The following IPO5 variants were observed in gnomAD, a reference collection of about 807,000 sequenced individuals.
IPO5 encodes importin 5.
IPO5 carries 18 observed loss-of-function variants against 143.3 expected under a neutral mutation model. The observed-to-expected ratio is 0.13, with a 90% CI of 0.09 to 0.19. IPO5 has a LOEUF of 0.19. Among genes scored for constraint, IPO5 ranks in the 10% least tolerant of loss-of-function variants. The pLI, the probability that IPO5 is intolerant of heterozygous loss-of-function variation, is 1.00. For missense variants in IPO5, 1,013 were observed against 1,336.9 expected, an observed-to-expected ratio of 0.76 and a Z score of 3.78; for synonymous variants, 477 against 465.7, an observed-to-expected ratio of 1.02 and a Z score of -0.31.
intron 13 of IPO5, 147 bp from the exon 14 acceptor site, chr13:98,002,320 A>C (rs1057121598): frequency 1.2e-5 from 8 of 659,652 alleles, no homozygotes; most frequent in Non-Finnish European, 1.9e-5. Context: ...CGGCCTATAC[A>C]AATGTTTTTA....
At chr13:98,008,344 C>G (rs1207616271) in intron 18 of IPO5, among the ~76,000 whole-genome samples, 1 of 152,174 alleles carries the variant, frequency 6.6e-6, no homozygotes, top group African/African-American at 2.4e-5. Context: ...CTTTCTGTGA[C>G]TCTCACTCAA....
chr13:98,012,141 A>C (rs1889770455), intron 20 of IPO5, 105 bp from the exon 21 acceptor site: 1 of 703,098 alleles, frequency 1.4e-6, no homozygotes, highest in African/African-American at 1.8e-5. Context: ...ATGTAGTTCT[A>C]GTCAAAATAC....
At chr13:97,972,375 T>C (rs1885894262) in intron 3 of IPO5, among the ~76,000 whole-genome samples, 1 of 152,272 alleles carries the variant, frequency 6.6e-6, no homozygotes, top group East Asian at 1.9e-4. Context: ...CTAAGAGCAG[T>C]AGTGGGAGAG....
intron 12 of IPO5, among the ~76,000 whole-genome samples, chr13:98,000,249 C>T (rs185848159): frequency 5.9e-5 from 9 of 151,644 alleles, no homozygotes; most frequent in Admixed American, 3.3e-4. Flanking sequence ...CGTGCCACTG[C>T]GCTCCAGCCT....
intron 24 of IPO5, 141 bp from the exon 25 acceptor site, chr13:98,016,586 GTC>G: frequency 2.2e-6 from 1 of 453,132 alleles, no homozygotes; most frequent in East Asian, 3.7e-5. Flanking sequence ...GGTTACTCCG[GTC>G]TCTAGACTCT....
chr13:98,003,391 G>T (rs1888958835), intron 16 of IPO5, among the ~76,000 whole-genome samples: 1 of 152,174 alleles, frequency 6.6e-6, no homozygotes, highest in South Asian at 2.1e-4. Flanking sequence ...TAAAAAATTA[G>T]TGTGGTAGCA....
At chr13:97,970,761 A>C (rs944719069) in intron 3 of IPO5, among the ~76,000 whole-genome samples, 1 of 152,252 alleles carries the variant, frequency 6.6e-6, no homozygotes, top group African/African-American at 2.4e-5. Flanking sequence ...GCTCTGTGAT[A>C]ATCAAATCAA....
intron 2 of IPO5, chr13:97,960,280 A>C (rs947030730): frequency 6.6e-6 from 1 of 152,214 alleles, no homozygotes; most frequent in Non-Finnish European, 1.5e-5. Flanking sequence ...AAAGATGGGA[A>C]GGAAAGTCTA....
Position 98,000,579 on chromosome 13 carries a change from T to A in IPO5, c.1042T>A (p.Cys348Ser). ...CGAGAGTGCTCTAGATCGAATGGCTTGCGGACTTGGTGGAAAGCTCGTTCT... is the reference window on the plus strand; with the variant it reads ...CGAGAGTGCTCTAGATCGAATGGCTAGCGGACTTGGTGGAAAGCTCGTTCT... ...AGESALDRMA[C>S]GLGGKLVLPM... is the part of the protein sequence containing the mutation. Residue 348 changes from cysteine to serine, a missense_variant, in exon 13 of 29, where the codon TGC (cysteine) becomes AGC (serine). Transcript: ENST00000651721. 1 of 1,613,904 alleles carries A rather than the reference T, an allele frequency of 6.2e-7. No individual in the cohort carries two copies. The highest frequency in any genetic ancestry group is 1.3e-5 in the African/African-American group (1 of 75,056).
chr13:97,977,346 T>C (rs1886463359), intron 4 of IPO5, among the ~76,000 whole-genome samples: 1 of 152,208 alleles, frequency 6.6e-6, no homozygotes, highest in Non-Finnish European at 1.5e-5. Flanking sequence ...CTCATTCTAG[T>C]TCCTAACATC....
chr13:97,981,208 A>G (rs1170592263), intron 4 of IPO5: 1 of 451,942 alleles, frequency 2.2e-6, no homozygotes, highest in Non-Finnish European at 4.4e-6. Context: ...AAGATCTTGA[A>G]TTCTCCTTTC....
Position 98,016,797 on chromosome 13 carries a change from A to G in IPO5, c.2562A>G (p.Lys854=). The G allele has an allele frequency of 6.3e-7, 1 of 1,579,356 alleles. No individual in the cohort carries two copies. The highest frequency in any genetic ancestry group is 2.4e-5 in the East Asian group (1 of 42,420). Residue 854 remains lysine, a synonymous_variant, in exon 25 of 29, where the codon AAA becomes AAG. Transcript: ENST00000651721. ...TACACTCAATATTCAGTAGCTACAA[A>G]GAAAAGGTGTTACCATGGTTTGAAC... ...DILHSIFSSY[K]EKVLPWFEQL...
chr13:98,018,867 G>T lies in IPO5; in HGVS notation c.2836+163G>T, dbSNP rs556137263. ...TTAGGATTTTAGATGATAAAAAGAT[G>T]ATTTATTCTCATAGAAATAGAATCA... On this transcript the variant is annotated intron_variant, in intron 26 of 28. Transcript: ENST00000651721. Among the ~76,000 whole-genome samples the T allele has an allele frequency of 3.3e-5, 5 of 152,236 alleles. No individual in the cohort carries two copies. The South Asian group carries it at 8.3e-4, about 25-fold the overall frequency.
At chr13:97,956,956 T>A (rs1361454111) in intron 2 of IPO5, among the ~76,000 whole-genome samples, 5 of 152,252 alleles carry the variant, frequency 3.3e-5, no homozygotes, top group Non-Finnish European at 7.3e-5. Context: ...GCTGAAGCCA[T>A]GTAAAACAAG....
At chr13:97,997,053 T>C (rs939445944) in intron 11 of IPO5, among the ~76,000 whole-genome samples, 4 of 152,222 alleles carry the variant, frequency 2.6e-5, no homozygotes, top group Non-Finnish European at 5.9e-5. Context: ...CAGTGGGTAG[T>C]ATGTTTATAT....
intron 16 of IPO5, among the ~76,000 whole-genome samples, chr13:98,005,674 G>A (rs368576351): frequency 9.7e-4 from 148 of 152,172 alleles, no homozygotes; most frequent in African/African-American, 3.3e-3. Flanking sequence ...GGGTTCCTTC[G>A]TGCGATCTTC....
chr13:98,002,262 G>A lies in IPO5; in HGVS notation c.1109-205G>A, dbSNP rs13378371. ...GATCTCCTGACCTTGTGATCCGCCC[G>A]CCTCAGACTCCCAAAGTGCTGGGAT... On this transcript the variant is annotated intron_variant, in intron 13 of 28. Coordinates refer to ENST00000651721, the MANE Select transcript of IPO5 (RefSeq NM_002271.6). The A allele has an allele frequency of 1.8e-3, 654 of 359,864 alleles. 4 individuals carry two copies. The highest frequency in any genetic ancestry group is 0.012 in the African/African-American group (574 of 47,088). The allele number at this position is 359,864 out of a possible 1,614,324, so 22.3% of individuals were successfully genotyped here.
chr13:97,994,510 G>T (rs1340965800), intron 11 of IPO5, among the ~76,000 whole-genome samples: 1 of 152,094 alleles, frequency 6.6e-6, no homozygotes, highest in African/African-American at 2.4e-5. Context: ...TATAGTAACT[G>T]GGAATAAATC....
chr13:97,980,659 C>G (rs1310754885), intron 4 of IPO5, among the ~76,000 whole-genome samples: 1 of 151,760 alleles, frequency 6.6e-6, no homozygotes, highest in African/African-American at 2.4e-5. Flanking sequence ...GAAATCCCAT[C>G]TCTACTAAAA....
Sources: allele counts gnomAD v4.1 joint callset (sites outside exome capture counted in the v4.1 genomes callset), GRCh38; gene constraint gnomAD v4.1.1; transcripts MANE v1.5; gene names NCBI Gene and HGNC (gene_info 2026-07-23, HGNC 2026-07-21).